The following ZNF492 variants were observed in gnomAD, a reference collection of about 807,000 sequenced individuals.
ZNF492 encodes the protein zinc finger protein 492.
In ZNF492, 3 loss-of-function variants were observed where a neutral mutation model predicts 6.4. The ratio of observed to expected loss-of-function variants is 0.47; its 90% confidence interval spans 0.21 to 1.22. The LOEUF is 1.22. ZNF492 is among the 50% of genes most tolerant of loss of function. ZNF492 has a pLI of 0.22. For missense variants in ZNF492, 356 were observed against 612.5 expected (o/e 0.58, Z 4.42); for synonymous variants, 112 against 205.3 (o/e 0.55, Z 3.89).
intron 1 of ZNF492, among the ~76,000 whole-genome samples, chr19:22,644,204 G>T (rs1414355835): frequency 6.6e-6 from 1 of 152,188 alleles, no homozygotes; most frequent in African/African-American, 2.4e-5. Flanking sequence ...TAGAAAAGAA[G>T]GAGAAAGAGA....
chr19:22,663,078 T>G (rs1275965187), intron 3 of ZNF492, among the ~76,000 whole-genome samples: 1 of 152,228 alleles, frequency 6.6e-6, no homozygotes, highest in Non-Finnish European at 1.5e-5. Flanking sequence ...GTCTAATATT[T>G]AAGTCTTTAA....
rs1217529182 is a variant in ZNF492, at chr19:22,667,611, A to G, written c.*2346A>G. ...CAGGGTTATTTTTATAATAAAAATT[A>G]TATACAAGTATAAAATTTACACATT... On this transcript the variant is annotated 3_prime_UTR_variant, in exon 4 of 4. Coordinates refer to ENST00000456783, the MANE Select transcript of ZNF492 (RefSeq NM_020855.3). 2 of 151,990 alleles carry G rather than the reference A, an allele frequency of 1.3e-5. No individual in the cohort carries two copies. Among genetic ancestry groups the G allele is most frequent in the Non-Finnish European group, 2.9e-5 (2 of 67,978 alleles). 9.4% of individuals were successfully genotyped at this position (151,990 alleles called of 1,614,324 possible).
chr19:22,647,502 T>TC (rs918791812), intron 1 of ZNF492, among the ~76,000 whole-genome samples: 28 of 149,366 alleles, frequency 1.9e-4, no homozygotes, highest in African/African-American at 6.4e-4. Flanking sequence ...CCTCAGGTGA[T>TC]CCCCCCCAAT....
intron 1 of ZNF492, among the ~76,000 whole-genome samples, chr19:22,643,101 A>G (rs1425907193): frequency 1.3e-5 from 2 of 152,044 alleles, no homozygotes; most frequent in African/African-American, 2.4e-5. Context: ...TGTCTCTACT[A>G]AAAATACAAC....
chr19:22,656,599 G>A (rs879927287), intron 3 of ZNF492, among the ~76,000 whole-genome samples: 2 of 152,066 alleles, frequency 1.3e-5, no homozygotes, highest in African/African-American at 4.8e-5. Context: ...CTATAAAGGG[G>A]TGTCTGTCTC....
chr19:22,642,384 CTTTTTTT>C (rs869202400), intron 1 of ZNF492, among the ~76,000 whole-genome samples: 4,605 of 83,122 alleles, frequency 0.055, 107 homozygotes, highest in East Asian at 0.078. Context: ...AACCTTTTGT[CTTTTTTT>C]TTTTTTTTTT....
chr19:22,662,863 A>AT (rs773355701), intron 3 of ZNF492, among the ~76,000 whole-genome samples: 5 of 150,888 alleles, frequency 3.3e-5, no homozygotes, highest in Non-Finnish European at 5.9e-5. Flanking sequence ...GATTGCATAG[A>AT]TTTTCTCCCA....
intron 1 of ZNF492, among the ~76,000 whole-genome samples, chr19:22,637,516 A>C (rs1971781587): frequency 6.6e-6 from 1 of 151,482 alleles, no homozygotes; most frequent in Non-Finnish European, 1.5e-5. Flanking sequence ...GGGTGGCCTC[A>C]AACTTTTGAG....
Position 22,667,074 on chromosome 19 carries a change from C to T in ZNF492, c.*1809C>T, listed in dbSNP as rs1027251580. The stretch of plus-strand genomic sequence containing the variant: ...AGAAACGCCATCTCTACTAAAAATA[C>T]AAAATTAGCCAGGCATGGTGGCGCA... On this transcript the variant is annotated 3_prime_UTR_variant, in exon 4 of 4. Coordinates refer to ENST00000456783, the MANE Select transcript of ZNF492 (RefSeq NM_020855.3). 4.6e-5 allele frequency: 7 copies of T among 152,002 alleles called. No homozygotes were observed. The highest frequency in any genetic ancestry group is 1.7e-4 in the African/African-American group (7 of 41,382). 9.4% of individuals were successfully genotyped at this position (152,002 alleles called of 1,614,324 possible). A position where few individuals can be genotyped will look rare whatever the true frequency, so the allele number is the denominator to read the frequency against.
In ZNF492 at chr19:22,665,395, T is replaced by A; in HGVS notation, c.*130T>A. On this transcript the variant is annotated 3_prime_UTR_variant, in exon 4 of 4. Transcript: ENST00000456783. ...GCAAAACTTACACAATGCTCAAACC[T>A]TATTGCACAGGAAAGCCTTTATACT... The A allele has an allele frequency of 1.4e-6, 2 of 1,458,488 alleles. No homozygotes were observed. The highest frequency in any genetic ancestry group is 9.1e-7 in the Non-Finnish European group (1 of 1,104,598). The allele number at this position is 1,458,488 out of a possible 1,614,324, so 90.3% of individuals were successfully genotyped here. A position where few individuals can be genotyped will look rare whatever the true frequency, so the allele number is the denominator to read the frequency against.
At chr19:22,636,104 T>C (rs1272646415) in intron 1 of ZNF492, among the ~76,000 whole-genome samples, 1 of 78,586 alleles carries the variant, frequency 1.3e-5, no homozygotes, top group African/African-American at 4.0e-5. Flanking sequence ...TACTTAAATA[T>C]TTTTTTTTTT....
Position 22,667,235 on chromosome 19 carries a change from A to T in ZNF492, c.*1970A>T, listed in dbSNP as rs1303688250. 1 of 152,216 alleles carries T rather than the reference A, an allele frequency of 6.6e-6. No homozygotes were observed. The highest frequency in any genetic ancestry group is 1.5e-5 in the Non-Finnish European group (1 of 68,038). The allele number at this position is 152,216 out of a possible 1,614,324, so 9.4% of individuals were successfully genotyped here. A position where few individuals can be genotyped will look rare whatever the true frequency, so the allele number is the denominator to read the frequency against. On this transcript the variant is annotated 3_prime_UTR_variant, in exon 4 of 4. Transcript: ENST00000456783. ...AAAGTGAGACTCCCTCTCAAAAAAT[A>T]AATAAGTAAATAAAATAAATGGTGG...
intron 1 of ZNF492, among the ~76,000 whole-genome samples, chr19:22,641,466 G>T (rs1971824710): frequency 6.6e-6 from 1 of 152,102 alleles, no homozygotes; most frequent in African/African-American, 2.4e-5. Context: ...TCTGTGTGTG[G>T]TTCATATAAT....
chr19:22,646,491 A>G (rs1278288725), intron 1 of ZNF492, among the ~76,000 whole-genome samples: 1 of 152,192 alleles, frequency 6.6e-6, no homozygotes, highest in Non-Finnish European at 1.5e-5. Flanking sequence ...CTCTTACTCT[A>G]TTTGAATACT....
intron 1 of ZNF492, among the ~76,000 whole-genome samples, chr19:22,647,617 G>C (rs569326101): frequency 3.6e-5 from 5 of 137,702 alleles, no homozygotes; most frequent in African/African-American, 1.4e-4. Context: ...ATTTTTTTTT[G>C]AGGGTTTTTC....
chr19:22,635,675 C>T (rs1442129206), intron 1 of ZNF492, among the ~76,000 whole-genome samples: 1 of 152,172 alleles, frequency 6.6e-6, no homozygotes, highest in Non-Finnish European at 1.5e-5. Context: ...GTGATTTGTG[C>T]TTAGCAACCC....
Position 22,665,153 on chromosome 19 carries a change from A to G in ZNF492, c.1484A>G (p.His495Arg). Residue 495 changes from histidine to arginine, a missense_variant, in exon 4 of 4, where the codon CAT (histidine) becomes CGT (arginine). Coordinates refer to ENST00000456783, the MANE Select transcript of ZNF492 (RefSeq NM_020855.3). ...AFNNSSILNR[H>R]KMIHTGEKLY... ...AACAACTCCTCTATTCTTAACAGAC[A>G]TAAGATGATTCATACTGGAGAGAAA... 1.2e-6 allele frequency: 2 copies of G among 1,611,528 alleles called. No homozygotes were observed. The highest frequency in any genetic ancestry group is 1.1e-5 in the South Asian group (1 of 90,882).
intron 1 of ZNF492, among the ~76,000 whole-genome samples, chr19:22,645,991 C>A (rs919328685): frequency 2.0e-5 from 3 of 152,080 alleles, no homozygotes; most frequent in Non-Finnish European, 4.4e-5. Context: ...TTAGGATTGT[C>A]TTGGCTATAT....
chr19:22,651,309 C>T (rs1363682731), intron 1 of ZNF492, among the ~76,000 whole-genome samples: 2 of 151,950 alleles, frequency 1.3e-5, no homozygotes, highest in South Asian at 2.1e-4. Context: ...TGGTTCTTTT[C>T]GGTGGGAGTC....
Sources: allele counts gnomAD v4.1 joint callset (sites outside exome capture counted in the v4.1 genomes callset), GRCh38; gene constraint gnomAD v4.1.1; transcripts MANE v1.5; gene names NCBI Gene and HGNC (gene_info 2026-07-23, HGNC 2026-07-21).